The following RBFOX1 variants were observed in gnomAD, a reference collection of about 807,000 sequenced individuals.
RBFOX1 encodes the protein RNA binding fox-1 homolog 1.
RBFOX1 carries 8 observed loss-of-function variants against 57.7 expected under a neutral mutation model. That is an observed-to-expected ratio of 0.14 (90% confidence interval 0.08 to 0.25). The LOEUF (loss-of-function observed/expected upper bound fraction) is 0.25. RBFOX1 is among the 10% of genes least tolerant of loss of function. RBFOX1 has a pLI of 1.00. For synonymous variants in RBFOX1, 326 were observed against 222.4 expected (o/e 1.47, Z -4.15); for missense variants, 611 against 548.5 (o/e 1.11, Z -1.14).
At chr16:6,640,552 G>C (rs992288741) in intron 2 of RBFOX1, among the ~76,000 whole-genome samples, 1 of 152,074 alleles carries the variant, frequency 6.6e-6, no homozygotes, top group African/African-American at 2.4e-5. Context: ...AGATTGCAGT[G>C]AGCTGTGATC....
intron 4 of RBFOX1, among the ~76,000 whole-genome samples, chr16:7,490,647 A>G (rs1181092197): frequency 6.6e-6 from 1 of 152,226 alleles, no homozygotes; most frequent in Non-Finnish European, 1.5e-5. Flanking sequence ...CATGAGGAAG[A>G]AAACAGATTG....
chr16:6,333,197 G>A (rs1284712784), intron 2 of RBFOX1, among the ~76,000 whole-genome samples: 1 of 152,002 alleles, frequency 6.6e-6, no homozygotes, highest in Non-Finnish European at 1.5e-5. Flanking sequence ...GTGCCACCAT[G>A]TCCAGCTGAT....
At chr16:5,277,858 C>G (rs1177286415) in intron 1 of RBFOX1, among the ~76,000 whole-genome samples, 1 of 152,114 alleles carries the variant, frequency 6.6e-6, no homozygotes, top group Non-Finnish European at 1.5e-5. Flanking sequence ...GAATAGTATT[C>G]TATTGTGCGT....
intron 1 of RBFOX1, among the ~76,000 whole-genome samples, chr16:5,261,906 T>C (rs1289873491): frequency 2.0e-5 from 3 of 152,190 alleles, no homozygotes; most frequent in Non-Finnish European, 4.4e-5. Flanking sequence ...TCTTGTCTTC[T>C]TCTCTCCCAG....
rs972725974 is a variant in RBFOX1, at chr16:6,940,621, G to A, written c.-15-111436G>A. Among the ~76,000 whole-genome samples, 26 of 152,000 alleles carry A rather than the reference G, an allele frequency of 1.7e-4. No individual in the cohort carries two copies. In the East Asian group the frequency reaches 3.9e-3, roughly 23 times the overall value. ...GTACACTTCTTTTCTTTTTTGAGGC[G>A]GAGTCTTACTCTGTCACCCAGGCTG... On this transcript the variant is annotated intron_variant, in intron 3 of 15. Coordinates refer to ENST00000550418, the MANE Select transcript of RBFOX1 (RefSeq NM_018723.4).
In RBFOX1 at chr16:6,003,522, C is replaced by A. The variant is rs1193663208; in HGVS notation, c.351+136187C>A. ...TGAGACCTAGGCACAAGGATGACTT[C>A]ATTGACAGGAGTCTAGGGTCATTGC... On this transcript the variant is annotated intron_variant, in intron 4 of 19. Coordinates refer to the RBFOX1 transcript ENST00000641259. Among the ~76,000 whole-genome samples the A allele has an allele frequency of 2.8e-5, 4 of 140,386 alleles. No individual in the cohort carries two copies. In the Admixed American group the frequency reaches 2.9e-4, roughly 10 times the overall value. 92.1% of individuals were successfully genotyped at this position (140,386 alleles called of 152,430 possible). A position where few individuals can be genotyped will look rare whatever the true frequency, so the allele number is the denominator to read the frequency against.
intron 14 of RBFOX1, among the ~76,000 whole-genome samples, chr16:7,683,408 A>G (rs746803568): frequency 1.3e-5 from 2 of 151,968 alleles, no homozygotes; most frequent in Non-Finnish European, 2.9e-5. Context: ...TTTGGTCCAT[A>G]ATCTATAATG....
intron 9 of RBFOX1, among the ~76,000 whole-genome samples, chr16:7,605,491 G>C (rs1288958104): frequency 6.6e-6 from 1 of 152,146 alleles, no homozygotes; most frequent in Admixed American, 6.5e-5. Flanking sequence ...AAACCACCTA[G>C]CTTCTTCAGG....
chr16:7,462,857 A>G (rs750455659), intron 4 of RBFOX1, among the ~76,000 whole-genome samples: 9 of 152,212 alleles, frequency 5.9e-5, no homozygotes, highest in Non-Finnish European at 1.2e-4. Flanking sequence ...CTCTTTTGCC[A>G]CATCACTCTG....
At chr16:5,511,758 A>G (rs2043601048) in intron 2 of RBFOX1, among the ~76,000 whole-genome samples, 2 of 152,190 alleles carry the variant, frequency 1.3e-5, no homozygotes, top group Admixed American at 6.5e-5. Flanking sequence ...TGAACCTCCT[A>G]TTCACCATGT....
chr16:5,877,507 C>A (rs1279238209), intron 4 of RBFOX1, among the ~76,000 whole-genome samples: 1 of 152,258 alleles, frequency 6.6e-6, no homozygotes, highest in Non-Finnish European at 1.5e-5. Flanking sequence ...CATTTACCCA[C>A]ATACACTTGA....
chr16:6,644,873 A>G (rs1352711247), intron 2 of RBFOX1, among the ~76,000 whole-genome samples: 2 of 152,216 alleles, frequency 1.3e-5, no homozygotes, highest in Non-Finnish European at 2.9e-5. Flanking sequence ...TAAGTAGCCA[A>G]GCATCCTGCA....
chr16:6,987,733 C>G (rs1268523204), intron 3 of RBFOX1, among the ~76,000 whole-genome samples: 1 of 152,150 alleles, frequency 6.6e-6, no homozygotes, highest in Admixed American at 6.6e-5. Flanking sequence ...ACAGTTTATT[C>G]ACCTGTGTGG....
chr16:7,474,337 C>T (rs565538538), intron 4 of RBFOX1, among the ~76,000 whole-genome samples: 12 of 152,112 alleles, frequency 7.9e-5, no homozygotes. Flanking sequence ...TCTCTCTCAG[C>T]TGTTATGCTG....
chr16:6,898,481 A>C (rs1181225267), intron 3 of RBFOX1, among the ~76,000 whole-genome samples: 1 of 152,224 alleles, frequency 6.6e-6, no homozygotes, highest in East Asian at 1.9e-4. Context: ...CTCATAATTC[A>C]GTCCATAGTA....
chr16:5,909,480 C>T (rs932485489), intron 4 of RBFOX1, among the ~76,000 whole-genome samples: 3 of 152,194 alleles, frequency 2.0e-5, no homozygotes, highest in Admixed American at 6.5e-5. Context: ...TCAGGAAGGG[C>T]CTCCCGTCAG....
At chr16:6,110,698 T>G (rs896140339) in intron 1 of RBFOX1, among the ~76,000 whole-genome samples, 6 of 152,148 alleles carry the variant, frequency 3.9e-5, no homozygotes, top group African/African-American at 9.7e-5. Flanking sequence ...CCTCAAGAAC[T>G]GTATAATCCA....
intron 3 of RBFOX1, among the ~76,000 whole-genome samples, chr16:5,794,244 TC>T (rs1283062458): frequency 6.6e-6 from 1 of 152,168 alleles, no homozygotes; most frequent in Non-Finnish European, 1.5e-5. Flanking sequence ...TGGTCCTTCT[TC>T]CCCTTTCTTT....
intron 3 of RBFOX1, chr16:6,873,953 C>T (rs745499846): frequency 6.6e-5 from 10 of 152,068 alleles, no homozygotes; most frequent in East Asian, 3.9e-4. Context: ...AGAAGATTAG[C>T]GTGACCCCTG....
Sources: allele counts gnomAD v4.1 joint callset (sites outside exome capture counted in the v4.1 genomes callset), GRCh38; gene constraint gnomAD v4.1.1; transcripts MANE v1.5; gene names NCBI Gene and HGNC (gene_info 2026-07-23, HGNC 2026-07-21).